LRRC4C: variants seen among roughly 807,000 people sequenced by gnomAD.
The protein encoded by LRRC4C is leucine rich repeat containing 4C, also known as leucine-rich repeat-containing protein 4C.
LRRC4C carries 5 observed loss-of-function variants against 33.6 expected under a neutral mutation model. That is an observed-to-expected ratio of 0.15 (90% CI 0.08 to 0.31). The LOEUF (loss-of-function observed/expected upper bound fraction) is 0.31, where lower values mean the gene tolerates loss of function less well. LRRC4C is among the 10% of genes least tolerant of loss of function. LRRC4C has a pLI of 1.00. For missense variants in LRRC4C, 560 were observed against 796.7 expected (o/e 0.70, Z 3.58); for synonymous variants, 329 against 302.0 (o/e 1.09, Z -0.93).
At chr11:40,921,591 T>C (rs1957182490) in intron 2 of LRRC4C, among the ~76,000 whole-genome samples, 1 of 152,174 alleles carries the variant, frequency 6.6e-6, no homozygotes, top group Non-Finnish European at 1.5e-5. Flanking sequence ...GATTATAAGA[T>C]AATCACCTTG....
chr11:40,624,488 T>C (rs552186707), intron 3 of LRRC4C, among the ~76,000 whole-genome samples: 54 of 152,256 alleles, frequency 3.5e-4, no homozygotes, highest in Non-Finnish European at 6.5e-4. Flanking sequence ...TTAGCAATCA[T>C]TGATAGATAC....
At chr11:41,088,262 C>T (rs1246674475) in intron 1 of LRRC4C, among the ~76,000 whole-genome samples, 2 of 152,022 alleles carry the variant, frequency 1.3e-5, no homozygotes, top group African/African-American at 2.4e-5. Context: ...GAGTCTAAAG[C>T]AAATAATTAA....
At chr11:41,018,202 C>T (rs533941155) in intron 1 of LRRC4C, among the ~76,000 whole-genome samples, 1 of 152,146 alleles carries the variant, frequency 6.6e-6, no homozygotes, top group Non-Finnish European at 1.5e-5. Flanking sequence ...ATAAAATATA[C>T]TATTAGCTTA....
At chr11:41,224,406 A>G (rs1054401520) in intron 1 of LRRC4C, among the ~76,000 whole-genome samples, 5 of 152,196 alleles carry the variant, frequency 3.3e-5, no homozygotes, top group Admixed American at 2.0e-4. Context: ...TGTAACTACA[A>G]TTCTCATCCA....
At chr11:41,188,876 T>C (rs1032682812) in intron 1 of LRRC4C, among the ~76,000 whole-genome samples, 3 of 150,008 alleles carry the variant, frequency 2.0e-5, no homozygotes, top group South Asian at 2.1e-4. Context: ...TAAAGAAAAC[T>C]ACTTTTTAGC....
intron 1 of LRRC4C, among the ~76,000 whole-genome samples, chr11:41,427,486 T>A (rs998672639): frequency 1.3e-5 from 2 of 152,190 alleles, no homozygotes; most frequent in Non-Finnish European, 2.9e-5. Flanking sequence ...AGAGCATGAC[T>A]AATTTTCTAA....
chr11:41,419,960 C>T (rs760578123), intron 1 of LRRC4C, among the ~76,000 whole-genome samples: 2 of 151,730 alleles, frequency 1.3e-5, no homozygotes, highest in African/African-American at 2.4e-5. Context: ...CACCTTTGTA[C>T]CTTATAAGGC....
chr11:40,547,152 C>A (rs1956956371), intron 3 of LRRC4C, among the ~76,000 whole-genome samples: 1 of 152,066 alleles, frequency 6.6e-6, no homozygotes, highest in African/African-American at 2.4e-5. Flanking sequence ...TTCCCCAGGG[C>A]CATATCAGCC....
chr11:40,409,515 A>G (rs1372455857), intron 3 of LRRC4C, among the ~76,000 whole-genome samples: 1 of 152,008 alleles, frequency 6.6e-6, no homozygotes, highest in African/African-American at 2.4e-5. Flanking sequence ...ATGTCCAAAG[A>G]ATATAAAAAA....
intron 1 of LRRC4C, among the ~76,000 whole-genome samples, chr11:41,022,267 T>C (rs1490214970): frequency 6.7e-6 from 1 of 150,044 alleles, no homozygotes; most frequent in Non-Finnish European, 1.5e-5. Flanking sequence ...AGATTAACAT[T>C]GGTTGACATT....
chr11:40,665,320 AAAAAAATAT>A (rs1565614659), intron 2 of LRRC4C, among the ~76,000 whole-genome samples: 9 of 15,848 alleles, frequency 5.7e-4, no homozygotes, highest in African/African-American at 1.2e-3. Context: ...AAAAAAAAAA[AAAAAAATAT>A]ATATATATAT....
chr11:40,790,043 A>G (rs1298933408), intron 2 of LRRC4C, among the ~76,000 whole-genome samples: 1 of 152,250 alleles, frequency 6.6e-6, no homozygotes, highest in East Asian at 1.9e-4. Flanking sequence ...AAAGATTGGA[A>G]CAATATTAGA....
At chr11:40,390,650 T>C (rs1027418816) in intron 3 of LRRC4C, among the ~76,000 whole-genome samples, 1 of 152,106 alleles carries the variant, frequency 6.6e-6, no homozygotes, top group Non-Finnish European at 1.5e-5. Context: ...AACAGTGGAA[T>C]TGAGGCTTGG....
intron 1 of LRRC4C, among the ~76,000 whole-genome samples, chr11:41,388,482 C>G (rs1953451259): frequency 6.6e-6 from 1 of 151,818 alleles, no homozygotes; most frequent in African/African-American, 2.4e-5. Context: ...ATGACAAACA[C>G]TGTGCTAAAA....
chr11:40,305,107 T>C (rs1293923707), intron 4 of LRRC4C, among the ~76,000 whole-genome samples: 1 of 152,206 alleles, frequency 6.6e-6, no homozygotes, highest in Non-Finnish European at 1.5e-5. Flanking sequence ...GGCATTCTTT[T>C]AGTGCTCGAA....
At position 41,115,963 on chromosome 11, in the gene LRRC4C, C is replaced by T. The variant is rs571979548; in HGVS notation, c.-495-182240G>A. 3.9e-5 allele frequency among the ~76,000 whole-genome samples: 6 copies of T among 152,260 alleles called. No individual in the cohort carries two copies. The South Asian group carries it at 1.2e-3, about 32-fold the overall frequency. On this transcript the variant is annotated intron_variant, in intron 1 of 6. Transcript: ENST00000528697. ...TATCCTGTTCCAAAGGTGAGTCCAG[C>T]TCCTCTGTGACTCTTCTAGCCTTCC...
intron 2 of LRRC4C, among the ~76,000 whole-genome samples, chr11:40,830,580 C>A (rs770512111): frequency 3.8e-4 from 58 of 151,988 alleles, no homozygotes; most frequent in Non-Finnish European, 6.9e-4. Flanking sequence ...ATAAAAGAAA[C>A]CCCAAATCAA....
At chr11:40,698,095 A>G (rs1945670662) in intron 2 of LRRC4C, among the ~76,000 whole-genome samples, 1 of 151,762 alleles carries the variant, frequency 6.6e-6, no homozygotes, top group Admixed American at 6.6e-5. Flanking sequence ...AATTACATTT[A>G]ATACTCCTGA....
At chr11:41,349,253 C>G (rs541426377) in intron 1 of LRRC4C, among the ~76,000 whole-genome samples, 1 of 152,196 alleles carries the variant, frequency 6.6e-6, no homozygotes, top group East Asian at 1.9e-4. Flanking sequence ...CCACTGTAAC[C>G]CCAACCTCAG....
Sources: allele counts gnomAD v4.1 joint callset (sites outside exome capture counted in the v4.1 genomes callset), GRCh38; gene constraint gnomAD v4.1.1; transcripts MANE v1.5; gene names NCBI Gene and HGNC (gene_info 2026-07-23, HGNC 2026-07-21).